Variants in FBXL16 observed in about 807,000 individuals in gnomAD.
FBXL16 encodes the protein F-box/LRR-repeat protein 16.
A neutral mutation model predicts 36.7 loss-of-function variants in FBXL16; 7 were observed. The observed-to-expected ratio is 0.19, with a 90% CI of 0.11 to 0.36. The LOEUF (loss-of-function observed/expected upper bound fraction) is 0.36, where lower values mean the gene tolerates loss of function less well. Ranked by LOEUF, FBXL16 falls within the 10% of genes least tolerant of loss-of-function variation. The pLI is 1.00. For synonymous variants in FBXL16, 355 were observed against 308.7 expected (o/e 1.15, Z -1.57); for missense variants, 463 against 659.4 (o/e 0.70, Z 3.26).
intron 1 of FBXL16, among the ~76,000 whole-genome samples, chr16:698,973 A>G (rs2040037056): frequency 6.6e-6 from 1 of 152,012 alleles, no homozygotes; most frequent in Non-Finnish European, 1.5e-5. Context: ...AGAAAAAGAA[A>G]AAAGAATCCA....
At position 697,394 on chromosome 16, in the gene FBXL16, C is replaced by T. The variant is rs1237246869; in HGVS notation, c.12G>A (p.Pro4=). MSS[P]GIDGDPKPPC... ...GAGGCTTGGGGTCGCCGTCGATGCC[C>T]GGGCTCGACATCTTCCTGGCACGCT... Residue 4 remains proline, a synonymous_variant, in exon 2 of 6, where the codon CCG becomes CCA. Transcript: ENST00000397621. The surrounding 1 kb of genome is among the most constrained non-coding windows in gnomAD (Gnocchi z 4.6). 11 of 1,534,534 alleles carry T rather than the reference C, an allele frequency of 7.2e-6. No homozygotes were observed. Among genetic ancestry groups the T allele is most frequent in the South Asian group, 4.8e-5 (4 of 83,796 alleles).
In FBXL16 at chr16:704,057, AC is replaced by A. The variant is rs539786908; in HGVS notation, c.-15+1454del. ...GTGGGGAAGGCTCAGTCACCTGCTC[AC>A]CCACAGAGCTCCCTTCACTGCCAAT... is the stretch of plus-strand genomic sequence containing the variant. On this transcript the variant is annotated intron_variant, in intron 1 of 5. Transcript: ENST00000397621. 7.4e-4 allele frequency among the ~76,000 whole-genome samples: 113 copies of A among 152,336 alleles called. No homozygotes were observed. In the South Asian group the frequency reaches 8.9e-3, roughly 12 times the overall value.
At chr16:695,284 C>T in intron 3 of FBXL16, 131 bp downstream of exon 3, 1 of 1,184,056 alleles carries the variant, frequency 8.4e-7, no homozygotes, top group South Asian at 1.7e-5. Flanking sequence ...GCTCCGAGGG[C>T]TCTGCCCGCC....
intron 2 of FBXL16, among the ~76,000 whole-genome samples, chr16:696,225 G>GTATTTATT (rs766142167): frequency 0.02 from 2,949 of 150,618 alleles, 104 homozygotes; most frequent in African/African-American, 0.069. Flanking sequence ...CACTGCATTT[G>GTATTTATT]TATTTATTTA....
chr16:697,209 C>T lies in FBXL16; in HGVS notation c.197G>A (p.Arg66Gln), dbSNP rs1014528416. The part of the protein sequence containing the change: ...PPPSLAAPLS[R>Q]AALAGGPCTP... ...GCACGGGCCCCCAGCCAGGGCAGCC[C>T]GGGACAGTGGAGCAGCCAGGCTGGG... Residue 66 changes from arginine to glutamine, a missense_variant, in exon 2 of 6, where the codon CGG becomes CAG. Transcript: ENST00000397621. This position sits in a 1 kb window ranked among gnomAD's most constrained non-coding sequence, Gnocchi z 4.6. 10 of 1,309,542 alleles carry T rather than the reference C, an allele frequency of 7.6e-6. No homozygotes were observed. The highest frequency in any genetic ancestry group is 7.5e-5 in the East Asian group (2 of 26,778). 81.1% of individuals were successfully genotyped at this position (1,309,542 alleles called of 1,614,324 possible).
intron 3 of FBXL16, 24 bp downstream of exon 3, chr16:695,391 C>T: frequency 2.0e-6 from 3 of 1,499,420 alleles, no homozygotes; most frequent in Non-Finnish European, 2.7e-6. Context: ...CCAGCCCCGC[C>T]CGGCGCGGCC....
chr16:695,515 G>T lies in FBXL16; in HGVS notation c.1042C>A (p.Leu348Met). The stretch of plus-strand genomic sequence containing the variant: ...CACCACGAGAGGTCAAGGCTGCGCA[G>T]CTTGCGCAGGTTCTCGGCCACGAGC... ...VELVAENLRK[L>M]RSLDLSWCPR... The change falls in exon 3 of 6, where the codon CTG becomes ATG. Residue 348 changes from leucine (L) to methionine (M), a missense_variant. Physicochemically the swap from Leu to Met is conservative, Grantham distance 15. Coordinates refer to ENST00000397621, the MANE Select transcript of FBXL16 (RefSeq NM_153350.4). 6.3e-7 allele frequency: 1 copy of T among 1,596,968 alleles called. No individual in the cohort carries two copies. Among genetic ancestry groups the T allele is most frequent in the Non-Finnish European group, 8.5e-7 (1 of 1,177,472 alleles).
chr16:698,403 C>T (rs2040031073), intron 1 of FBXL16, among the ~76,000 whole-genome samples: 1 of 152,218 alleles, frequency 6.6e-6, no homozygotes, highest in Non-Finnish European at 1.5e-5. Flanking sequence ...TGGAGGTGGA[C>T]CTGGTGAGGC....
chr16:694,671 G>A lies in FBXL16; in HGVS notation c.1254C>T (p.Leu418=). 1.2e-6 allele frequency: 2 copies of A among 1,609,734 alleles called. No individual in the cohort carries two copies. Among genetic ancestry groups the A allele is most frequent in the Non-Finnish European group, 1.7e-6 (2 of 1,178,406 alleles). The change falls in exon 5 of 6, where the codon CTC becomes CTT. Residue 418 remains leucine (L), a synonymous_variant. Coordinates refer to ENST00000397621, the MANE Select transcript of FBXL16 (RefSeq NM_153350.4). ...GGAGGCGCAAACTCCCCAGGGCCAGGAGGTGCTTCAGCCCGAAGTCTTGCA... is the reference window on the plus strand; with the variant it reads ...GGAGGCGCAAACTCCCCAGGGCCAGAAGGTGCTTCAGCCCGAAGTCTTGCA... ...CQVQDFGLKH[L]LALGSLRLLS...
chr16:696,656 C>T (rs1220198914), intron 2 of FBXL16, 117 bp downstream of exon 2: 2 of 957,564 alleles, frequency 2.1e-6, no homozygotes, highest in Non-Finnish European at 1.4e-6. Context: ...CGCGAGGTCC[C>T]CTGTAGTCAG....
At position 695,771 on chromosome 16, in the gene FBXL16, G is replaced by A; in HGVS notation, c.786C>T (p.Ala262=). The change falls in exon 3 of 6, where the codon GCC becomes GCT. Residue 262 remains alanine (A), a synonymous_variant. Coordinates refer to ENST00000397621, the MANE Select transcript of FBXL16 (RefSeq NM_153350.4). The part of the protein sequence containing the change: ...CINVADDAIA[A]ISQLLPNLAE... Reference sequence around the variant, plus strand: ...CCAGGTTGGGCAGCAGCTGCGAGATGGCCGCGATGGCGTCGTCGGCCACGT... The same window carrying A: ...CCAGGTTGGGCAGCAGCTGCGAGATAGCCGCGATGGCGTCGTCGGCCACGT... 1 of 1,605,038 alleles carries A rather than the reference G, an allele frequency of 6.2e-7. No individual in the cohort carries two copies. Among genetic ancestry groups the A allele is most frequent in the Non-Finnish European group, 8.5e-7 (1 of 1,178,150 alleles).
At chr16:703,074 G>A (rs1197029502) in intron 1 of FBXL16, among the ~76,000 whole-genome samples, 1 of 152,190 alleles carries the variant, frequency 6.6e-6, no homozygotes, top group African/African-American at 2.4e-5. Context: ...CAAAAGCCCC[G>A]GGGCTGGCTG....
At chr16:695,308 A>G in intron 3 of FBXL16, 107 bp downstream of exon 3, 2 of 1,088,568 alleles carry the variant, frequency 1.8e-6, no homozygotes, top group Non-Finnish European at 1.2e-6. Context: ...CCACAGCCCC[A>G]GCCCCGCCGG....
At chr16:694,495 C>G in intron 5 of FBXL16, 72 bp from the exon 6 acceptor site, 2 of 1,492,694 alleles carry the variant, frequency 1.3e-6, no homozygotes, top group Non-Finnish European at 1.8e-6. Flanking sequence ...GGCCGCGCCT[C>G]CCTCCTCCTC....
In FBXL16 at chr16:701,308, C is replaced by T. The variant is rs116174827; in HGVS notation, c.-14-3889G>A. Among the ~76,000 whole-genome samples, 1,294 of 152,338 alleles carry T rather than the reference C, an allele frequency of 8.5e-3. 16 individuals carry two copies. The highest frequency in any genetic ancestry group is 0.029 in the African/African-American group (1,223 of 41,574). On this transcript the variant is annotated intron_variant, in intron 1 of 5. Coordinates refer to ENST00000397621, the MANE Select transcript of FBXL16 (RefSeq NM_153350.4). ...AAGGCGCTGCTCTGCCTGTGGTCAGCCCTCGACCCGTGTGCTTGGTGGGAG... is the reference window on the plus strand; with the variant it reads ...AAGGCGCTGCTCTGCCTGTGGTCAGTCCTCGACCCGTGTGCTTGGTGGGAG...
chr16:705,345 C>T (rs981370386), intron 1 of FBXL16, among the ~76,000 whole-genome samples, 167 bp downstream of exon 1: 9 of 152,006 alleles, frequency 5.9e-5, no homozygotes, highest in Non-Finnish European at 2.9e-5. Context: ...GGACCGAGGC[C>T]CAGCGGCCGC....
At chr16:695,303 G>T in intron 3 of FBXL16, 112 bp downstream of exon 3, 1 of 1,119,326 alleles carries the variant, frequency 8.9e-7, no homozygotes, top group Non-Finnish European at 1.1e-6. Context: ...CCGCGCCACA[G>T]CCCCAGCCCC....
intron 1 of FBXL16, among the ~76,000 whole-genome samples, chr16:700,065 T>A (rs1472855540): frequency 6.6e-6 from 1 of 151,858 alleles, no homozygotes; most frequent in Non-Finnish European, 1.5e-5. Context: ...AGGGAGGCAG[T>A]GGGAGGTCCT....
Position 705,307 on chromosome 16 carries a change from GGC to G in FBXL16, c.-15+203_-15+204del, listed in dbSNP as rs955690291. On this transcript the variant is annotated intron_variant, in intron 1 of 5. Coordinates refer to ENST00000397621, the MANE Select transcript of FBXL16 (RefSeq NM_153350.4). ...GGCCCTCTTCCGGGCCAGGGGCCGGGGCGCGGGGCTGCGGGAAGGCCAGGCAG... is the reference window on the plus strand; with the variant it reads ...GGCCCTCTTCCGGGCCAGGGGCCGGGGCGGGGCTGCGGGAAGGCCAGGCAG... Among the ~76,000 whole-genome samples, 269 of 152,200 alleles carry G rather than the reference GGC, an allele frequency of 1.8e-3. 2 individuals are homozygous for G. Among genetic ancestry groups the G allele is most frequent in the Non-Finnish European group, 1.6e-3 (109 of 67,990 alleles).
Sources: gnomAD v4.1 joint callset for allele counts (sites outside exome capture counted in the v4.1 genomes callset) on GRCh38, gnomAD v4.1.1 for gene constraint, Gnocchi (gnomAD v3.1) non-coding constraint, MANE v1.5 for transcripts, NCBI Gene and HGNC (gene_info 2026-07-23, HGNC 2026-07-21) for gene names.